Variants in ASTN2 observed in about 807,000 individuals in gnomAD.
The protein encoded by ASTN2 is astrotactin-2.
A neutral mutation model predicts 139.8 loss-of-function variants in ASTN2; 54 were observed. That is an observed-to-expected ratio of 0.39 (90% CI 0.31 to 0.48). ASTN2 has a LOEUF of 0.48. Ranked by LOEUF, ASTN2 falls within the 20% of genes least tolerant of loss-of-function variation. The probability of loss-of-function intolerance (pLI) is 0.95; values close to 1 mark genes in which losing one functional copy is unlikely to be tolerated. For synonymous variants in ASTN2, 756 were observed against 719.5 expected (o/e 1.05, Z -0.81); for missense variants, 1,565 against 1,725.1 (o/e 0.91, Z 1.64).
At position 116,790,253 on chromosome 9, in the gene ASTN2, C is replaced by G. The variant is rs1419296002; in HGVS notation, c.2396+15379G>C. On this transcript the variant is annotated intron_variant, in intron 13 of 22. Coordinates refer to ENST00000313400, the MANE Select transcript of ASTN2 (RefSeq NM_001365068.1). ...CCCTTACTTTTCTCATCACCTCTTT[C>G]TCCTCTTCATAATTCTCCTGTGAGG... Among the ~76,000 whole-genome samples, 5 of 152,102 alleles carry G rather than the reference C, an allele frequency of 3.3e-5. No homozygotes were observed. In the East Asian group the frequency reaches 9.7e-4, roughly 29 times the overall value.
At chr9:117,400,824 G>C (rs527414848) in intron 1 of ASTN2, among the ~76,000 whole-genome samples, 2 of 152,214 alleles carry the variant, frequency 1.3e-5, no homozygotes, top group East Asian at 3.9e-4. Context: ...AAAAGAGGAA[G>C]AGACTTGACC....
At chr9:116,934,751 C>CAGG (rs1835017134) in intron 10 of ASTN2, among the ~76,000 whole-genome samples, 2 of 152,122 alleles carry the variant, frequency 1.3e-5, no homozygotes. Context: ...TACTTGTACC[C>CAGG]TTGAACTTAA....
chr9:117,045,069 G>C (rs144693109), intron 5 of ASTN2, among the ~76,000 whole-genome samples: 20 of 152,188 alleles, frequency 1.3e-4, no homozygotes, highest in African/African-American at 4.6e-4. Context: ...CCCTCATGTA[G>C]AAAGTGTGGC....
In ASTN2 at chr9:116,784,657, G is replaced by C. The variant is rs569896517; in HGVS notation, c.2396+20975C>G. 2.5e-3 allele frequency among the ~76,000 whole-genome samples: 374 copies of C among 152,164 alleles called. 6 individuals are homozygous for C. Among genetic ancestry groups the C allele is most frequent in the South Asian group, 0.012 (56 of 4,812 alleles). The stretch of plus-strand genomic sequence containing the variant: ...GTTAAAAGAGGAGAGAGGCTGTGTT[G>C]GGGGGCTCATGCCTGTAATCCCAGC... On this transcript the variant is annotated intron_variant, in intron 13 of 22. Transcript: ENST00000313400.
chr9:116,811,426 CA>C (rs1831164860), intron 12 of ASTN2, among the ~76,000 whole-genome samples: 1 of 152,124 alleles, frequency 6.6e-6, no homozygotes, highest in South Asian at 2.1e-4. Context: ...AATATAATTC[CA>C]AAATAGATAA....
At position 116,733,788 on chromosome 9, in the gene ASTN2, A is replaced by G. The variant is rs114889010; in HGVS notation, c.2397-265T>C. Among the ~76,000 whole-genome samples the G allele has an allele frequency of 7.3e-3, 1,115 of 152,302 alleles. 18 individuals carry two copies. Among genetic ancestry groups the G allele is most frequent in the African/African-American group, 0.025 (1,032 of 41,566 alleles). On this transcript the variant is annotated intron_variant, in intron 13 of 22. Transcript: ENST00000313400. ...ATGCTACTGTTCCTCTCAGAACCTCAGTTTCCTTGTCTATAAAGTGAGACT... is the reference window on the plus strand; with the variant it reads ...ATGCTACTGTTCCTCTCAGAACCTCGGTTTCCTTGTCTATAAAGTGAGACT...
chr9:117,238,976 C>T (rs935044995), intron 2 of ASTN2, among the ~76,000 whole-genome samples: 2 of 152,212 alleles, frequency 1.3e-5, no homozygotes, highest in Non-Finnish European at 2.9e-5. Flanking sequence ...TATTCCACCA[C>T]ACCCAAGGAT....
intron 6 of ASTN2, among the ~76,000 whole-genome samples, chr9:117,021,145 C>A (rs1837867376): frequency 6.6e-6 from 1 of 152,080 alleles, no homozygotes; most frequent in Non-Finnish European, 1.5e-5. Context: ...TGAACTCAAG[C>A]AATCCTCCTG....
chr9:117,124,376 T>C (rs1218165739), intron 4 of ASTN2, among the ~76,000 whole-genome samples: 1 of 152,154 alleles, frequency 6.6e-6, no homozygotes, highest in Non-Finnish European at 1.5e-5. Context: ...TTAAACAGTA[T>C]TTGCCATAAC....
At chr9:117,188,842 G>A (rs1043053041) in intron 3 of ASTN2, among the ~76,000 whole-genome samples, 1 of 152,140 alleles carries the variant, frequency 6.6e-6, no homozygotes, top group Non-Finnish European at 1.5e-5. Flanking sequence ...GAGTCCCATG[G>A]GAGCCAGGTA....
chr9:117,004,446 A>C (rs1837298833), intron 7 of ASTN2, among the ~76,000 whole-genome samples: 1 of 152,160 alleles, frequency 6.6e-6, no homozygotes, highest in South Asian at 2.1e-4. Context: ...GGCTACAAAA[A>C]ATATGCTGAA....
At chr9:117,046,376 T>C (rs1471267910) in intron 5 of ASTN2, among the ~76,000 whole-genome samples, 1 of 152,194 alleles carries the variant, frequency 6.6e-6, no homozygotes, top group African/African-American at 2.4e-5. Context: ...TGGCAAGTGA[T>C]GTAAGCTCTC....
intron 2 of ASTN2, among the ~76,000 whole-genome samples, chr9:117,264,282 T>G (rs2133113627): frequency 6.6e-6 from 1 of 152,298 alleles, no homozygotes; most frequent in East Asian, 1.9e-4. Context: ...TTACATCTAC[T>G]GAATTTCATT....
intron 16 of ASTN2, among the ~76,000 whole-genome samples, chr9:116,661,753 A>G (rs1858574349): frequency 6.6e-6 from 1 of 152,132 alleles, no homozygotes; most frequent in Non-Finnish European, 1.5e-5. Flanking sequence ...CCCTCTTTGT[A>G]TAGTTACACA....
At chr9:117,191,915 G>C (rs1272704866) in intron 3 of ASTN2, among the ~76,000 whole-genome samples, 1 of 152,220 alleles carries the variant, frequency 6.6e-6, no homozygotes, top group African/African-American at 2.4e-5. Context: ...GGAGTAGGGA[G>C]AAAGGAGAGA....
chr9:117,235,360 T>C (rs1387716493), intron 2 of ASTN2, among the ~76,000 whole-genome samples: 1 of 152,196 alleles, frequency 6.6e-6, no homozygotes, highest in Non-Finnish European at 1.5e-5. Context: ...ATTGGAAATC[T>C]GTGAGGTCAG....
chr9:116,467,731 C>A (rs1468250442), intron 20 of ASTN2, among the ~76,000 whole-genome samples: 1 of 152,208 alleles, frequency 6.6e-6, no homozygotes, highest in East Asian at 1.9e-4. Context: ...ATGTAAATAT[C>A]CTTTATAAAG....
intron 1 of ASTN2, among the ~76,000 whole-genome samples, chr9:117,332,739 G>A (rs776768405): frequency 2.0e-5 from 3 of 152,196 alleles, no homozygotes; most frequent in Non-Finnish European, 2.9e-5. Context: ...TAGTCACAAG[G>A]TGGAAGCTAC....
intron 19 of ASTN2, among the ~76,000 whole-genome samples, chr9:116,537,180 G>T (rs1223212648): frequency 2.0e-5 from 3 of 152,216 alleles, no homozygotes; most frequent in Non-Finnish European, 4.4e-5. Flanking sequence ...ATCTCCTGGT[G>T]TGCCGTTTGC....
Sources: gnomAD v4.1 joint callset for allele counts (sites outside exome capture counted in the v4.1 genomes callset) on GRCh38, gnomAD v4.1.1 for gene constraint, MANE v1.5 for transcripts, NCBI Gene and HGNC (gene_info 2026-07-23, HGNC 2026-07-21) for gene names.